Variants in COCH observed in about 807,000 individuals in gnomAD.
COCH encodes the protein cochlin, also known as coagulation factor C homolog, cochlin (Limulus polyphemus).
In COCH, 40 loss-of-function variants were observed where a neutral mutation model predicts 54.8. That is an observed-to-expected ratio of 0.73 (90% CI 0.57 to 0.95). The LOEUF (loss-of-function observed/expected upper bound fraction) is 0.95, where lower values mean the gene tolerates loss of function less well. COCH is among the 40% of genes least tolerant of loss of function. The pLI is 0.00. For missense variants in COCH, 605 were observed against 675.0 expected, an observed-to-expected ratio of 0.90 and a Z score of 1.15; for synonymous variants, 256 against 237.9, an observed-to-expected ratio of 1.08 and a Z score of -0.70.
intron 6 of COCH, among the ~76,000 whole-genome samples, chr14:30,880,009 C>A (rs191476866): frequency 1.7e-4 from 26 of 152,186 alleles, no homozygotes; most frequent in African/African-American, 6.3e-4. Context: ...TGATAAACCA[C>A]GCCTAAGAAC....
intron 6 of COCH, among the ~76,000 whole-genome samples, chr14:30,879,699 A>G (rs1215525989): frequency 6.6e-6 from 1 of 152,242 alleles, no homozygotes; most frequent in Admixed American, 6.5e-5. Context: ...GCTGGAGTAC[A>G]GTGGTGCAAT....
At position 30,885,778 on chromosome 14, in the gene COCH, ATG is replaced by A; in HGVS notation, c.961-14_961-13del. 1 of 1,613,472 alleles carries A rather than the reference ATG, an allele frequency of 6.2e-7. No homozygotes were observed. The highest frequency in any genetic ancestry group is 8.5e-7 in the Non-Finnish European group (1 of 1,179,616). On this transcript the variant is annotated splice_polypyrimidine_tract_variant and intron_variant, in intron 10 of 11. Coordinates refer to ENST00000396618, the MANE Select transcript of COCH (RefSeq NM_004086.3). Reference sequence around the variant, plus strand: ...CTTTTGATCCTTTTGGATATCTTTTATGTGTCTCCCCCATTAGGCTGTCTGTC... The same window carrying A: ...CTTTTGATCCTTTTGGATATCTTTTATGTCTCCCCCATTAGGCTGTCTGTC...
intron 3 of COCH, chr14:30,875,607 A>G: frequency 2.9e-6 from 1 of 348,362 alleles, no homozygotes; most frequent in South Asian, 1.0e-4. Context: ...CCCTATAATC[A>G]GAAGCACTCG....
intron 8 of COCH, among the ~76,000 whole-genome samples, chr14:30,882,022 A>G (rs1895611703): frequency 6.6e-6 from 1 of 151,064 alleles, no homozygotes; most frequent in African/African-American, 2.4e-5. Context: ...TTGCTTTTAG[A>G]AATAGAATAT....
Position 30,886,040 on chromosome 14 carries a change from T to C in COCH, c.1205T>C (p.Ile402Thr), listed in dbSNP as rs766435124. Residue 402 changes from isoleucine (I) to threonine (T), a missense_variant, in exon 11 of 12, where the codon ATT (isoleucine) becomes ACT (threonine). Ile to Thr is a moderately conservative substitution (Grantham distance 89, BLOSUM62 -1). Transcript: ENST00000396618. ...GCCAAGACTTTTGAAATCTCGGACA[T>C]TGGTGCCAAGATAGCTGCTGTACAG... Reference protein sequence around the residue: ...NIAKTFEISDIGAKIAAVQFT... With the variant: ...NIAKTFEISDTGAKIAAVQFT... 6.6e-5 allele frequency: 106 copies of C among 1,614,238 alleles called. 2 individuals are homozygous for C. In the South Asian group the frequency reaches 1.0e-3, roughly 16 times the overall value.
chr14:30,880,583 G>T lies in COCH; in HGVS notation c.482-4G>T. ...AATGAGGGGACTGGTTTGGTTGTTC[G>T]CAGATTGTAAAGCAGACATTGCATT... is the stretch of plus-strand genomic sequence containing the variant. On this transcript the variant is annotated splice_region_variant and splice_polypyrimidine_tract_variant and intron_variant, in intron 7 of 11. Transcript: ENST00000396618. The T allele has an allele frequency of 6.2e-7, 1 of 1,614,024 alleles. No homozygotes were observed. The highest frequency in any genetic ancestry group is 1.1e-5 in the South Asian group (1 of 91,062).
chr14:30,887,742 TCA>T (rs1365691506), intron 11 of COCH, among the ~76,000 whole-genome samples: 2 of 152,226 alleles, frequency 1.3e-5, no homozygotes, highest in Non-Finnish European at 2.9e-5. Context: ...GCCAATGTAC[TCA>T]CATATTTTTA....
In COCH at chr14:30,877,338, A is replaced by G; in HGVS notation, c.83-234A>G. 1.9e-6 allele frequency: 1 copy of G among 516,150 alleles called. No individual in the cohort carries two copies. The highest frequency in any genetic ancestry group is 3.4e-6 in the Non-Finnish European group (1 of 294,232). The allele number at this position is 516,150 out of a possible 1,614,324, so 32.0% of individuals were successfully genotyped here. On this transcript the variant is annotated intron_variant, in intron 3 of 11. Transcript: ENST00000396618. This position sits in a 1 kb window ranked among gnomAD's most constrained non-coding sequence, Gnocchi z 8.6. Reference sequence around the variant, plus strand: ...ATTTCAAAAACAAAAACGAAATAAAAACCCAGAACTTTCACATTAGAGTTT... The same window carrying G: ...ATTTCAAAAACAAAAACGAAATAAAGACCCAGAACTTTCACATTAGAGTTT...
At position 30,889,596 on chromosome 14, in the gene COCH, TTAAAA is replaced by T; in HGVS notation, c.1478-18_1478-14del. On this transcript the variant is annotated splice_polypyrimidine_tract_variant and intron_variant, in intron 11 of 11. Transcript: ENST00000396618. ...AGCTAGACCTGATTTTCAATTCACT[TTAAAA>T]TGTTTTCATTGTAGGAATCACTATC... The T allele has an allele frequency of 1.2e-6, 2 of 1,611,042 alleles. No homozygotes were observed. Among genetic ancestry groups the T allele is most frequent in the Non-Finnish European group, 1.7e-6 (2 of 1,177,278 alleles).
intron 3 of COCH, chr14:30,876,369 G>T (rs1895356975): frequency 6.6e-6 from 1 of 152,178 alleles, no homozygotes; most frequent in East Asian, 1.9e-4. Flanking sequence ...AATATTAACA[G>T]TGCTTTCTAA....
Position 30,890,275 on chromosome 14 carries a change from A to G in COCH, c.*484A>G. 1.0e-6 allele frequency: 1 copy of G among 972,770 alleles called. No individual in the cohort carries two copies. Among genetic ancestry groups the G allele is most frequent in the Non-Finnish European group, 1.2e-6 (1 of 830,190 alleles). The allele number at this position is 972,770 out of a possible 1,614,324, so 60.3% of individuals were successfully genotyped here. A position where few individuals can be genotyped will look rare whatever the true frequency, so the allele number is the denominator to read the frequency against. Reference sequence around the variant, plus strand: ...AGTGGATATTTTCTTAAAACCAATCAATAATAGCTAGCTATTACTGCAGAC... The same window carrying G: ...AGTGGATATTTTCTTAAAACCAATCGATAATAGCTAGCTATTACTGCAGAC... On this transcript the variant is annotated 3_prime_UTR_variant, in exon 12 of 12. Transcript: ENST00000396618.
Position 30,875,082 on chromosome 14 carries a change from C to A in COCH, c.61C>A (p.Pro21Thr), listed in dbSNP as rs1396844019. The A allele has an allele frequency of 2.3e-5, 36 of 1,590,076 alleles. No individual in the cohort carries two copies. The highest frequency in any genetic ancestry group is 3.1e-5 in the Non-Finnish European group (36 of 1,169,106). ...LGVCLLLLPG[P>T]AGSEGAAPIA... ...TGTGTGTCTGCTGCTGCTGCCGGGG[C>A]CCGCGGGCAGCGAGGGAGCCGGTGA... The change falls in exon 3 of 12, where the codon CCC (proline) becomes ACC (threonine). Residue 21 changes from proline to threonine, a missense_variant. Pro to Thr is a conservative substitution (Grantham distance 38, BLOSUM62 -1). Transcript: ENST00000396618.
downstream of COCH, chr14:30,894,116 C>T (rs1174974694): frequency 1.3e-5 from 2 of 152,408 alleles, no homozygotes; most frequent in African/African-American, 2.4e-5. Flanking sequence ...TTTAGTTACA[C>T]CATAAAATTA....
Position 30,874,985 on chromosome 14 carries a change from C to G in COCH, c.34+13C>G. 6.2e-7 allele frequency: 1 copy of G among 1,613,166 alleles called. No individual in the cohort carries two copies. The highest frequency in any genetic ancestry group is 1.1e-5 in the South Asian group (1 of 91,076). On this transcript the variant is annotated intron_variant, in intron 2 of 11. Transcript: ENST00000396618. ...GCTCTCGGCCTCGGTGGGTGCGCGC[C>G]CCTCACGACCCCGGCCCCTTGCTCC...
chr14:30,884,620 A>G lies in COCH; in HGVS notation c.697A>G (p.Lys233Glu). ...AGCCAAAGATGTTTTGTTTGCCATA[A>G]AGGAAGTAGGTTTCAGAGGGGGTAA... ...TSAKDVLFAI[K>E]EVGFRGGNSN... Residue 233 changes from lysine to glutamate, a missense_variant, in exon 9 of 12, where the codon AAG (lysine) becomes GAG (glutamate). Physicochemically the swap from Lys to Glu is moderately conservative, Grantham distance 56 (BLOSUM62 1). Transcript: ENST00000396618. 1 of 1,613,752 alleles carries G rather than the reference A, an allele frequency of 6.2e-7. No individual in the cohort carries two copies. Among genetic ancestry groups the G allele is most frequent in the Non-Finnish European group, 8.5e-7 (1 of 1,179,738 alleles).
intron 8 of COCH, among the ~76,000 whole-genome samples, chr14:30,882,133 T>G (rs1360022631): frequency 8.0e-6 from 1 of 124,996 alleles, no homozygotes; most frequent in African/African-American, 3.3e-5. Context: ...TTTTTTTTTT[T>G]TTTTTTTTTT....
chr14:30,895,267 G>T, downstream of COCH: 1 of 816,766 alleles, frequency 1.2e-6, no homozygotes, highest in East Asian at 2.7e-5. Flanking sequence ...ATTAAGATGT[G>T]ATTTCCACCA....
downstream of COCH, among the ~76,000 whole-genome samples, chr14:30,893,417 G>A (rs1233991638): frequency 6.6e-6 from 1 of 152,092 alleles, no homozygotes; most frequent in Non-Finnish European, 1.5e-5. Context: ...CTCCCAAAGT[G>A]CTGGGATTAT....
At chr14:30,894,303 AACC>A (rs1476946556), downstream of COCH, 3 of 152,368 alleles carry the variant, frequency 2.0e-5, no homozygotes, top group Admixed American at 1.3e-4. Flanking sequence ...TCTTAGGGGG[AACC>A]ACCTTGGTTT....
Sources: gnomAD v4.1 joint callset for allele counts (sites outside exome capture counted in the v4.1 genomes callset) on GRCh38, gnomAD v4.1.1 for gene constraint, Gnocchi (gnomAD v3.1) non-coding constraint, MANE v1.5 for transcripts, NCBI Gene and HGNC (gene_info 2026-07-23, HGNC 2026-07-21) for gene names.